The following APBA1 variants were observed in gnomAD, a reference collection of about 807,000 sequenced individuals.
APBA1 encodes the protein amyloid beta precursor protein binding family A member 1.
A neutral mutation model predicts 86.6 loss-of-function variants in APBA1; 55 were observed. The ratio of observed to expected loss-of-function variants is 0.64; its 90% CI spans 0.51 to 0.80. The LOEUF is 0.80. Ranked by LOEUF, APBA1 falls within the 30% of genes least tolerant of loss-of-function variation. The pLI, the probability that APBA1 is intolerant of heterozygous loss-of-function variation, is 0.00. For missense variants in APBA1, 1,090 were observed against 1,183.0 expected (o/e 0.92, Z 1.15); for synonymous variants, 511 against 493.9 (o/e 1.03, Z -0.46).
At chr9:69,626,421 G>A (rs867417069) in intron 1 of APBA1, among the ~76,000 whole-genome samples, 52 of 152,002 alleles carry the variant, frequency 3.4e-4, no homozygotes, top group Admixed American at 2.6e-4. Context: ...AAGCCAACGG[G>A]GGAATCCATT....
intron 1 of APBA1, among the ~76,000 whole-genome samples, chr9:69,635,212 A>T (rs7852317): frequency 0.087 from 13,214 of 152,190 alleles, 705 homozygotes; most frequent in African/African-American, 0.14. Context: ...AAAGTTTAAA[A>T]TCAGGGGATG....
chr9:69,613,472 T>C (rs1033276941), intron 1 of APBA1, among the ~76,000 whole-genome samples: 4 of 152,198 alleles, frequency 2.6e-5, no homozygotes, highest in African/African-American at 9.6e-5. Context: ...TCTCGGAAGT[T>C]CCACTTTTGC....
Position 69,669,752 on chromosome 9 carries a change from C to T in APBA1, c.-70+2401G>A, listed in dbSNP as rs546823972. ...TCACACTACTGCACTCCAGCCTGGG[C>T]GACAGAGGAAGATCCTGTCTCAAAA... is the stretch of plus-strand genomic sequence containing the variant. On this transcript the variant is annotated intron_variant, in intron 1 of 12. Transcript: ENST00000265381. 9.5e-4 allele frequency among the ~76,000 whole-genome samples: 145 copies of T among 152,010 alleles called. 1 individual carries two copies. Among genetic ancestry groups the T allele is most frequent in the African/African-American group, 3.1e-3 (130 of 41,444 alleles).
At chr9:69,534,884 C>A (rs920968470) in intron 1 of APBA1, among the ~76,000 whole-genome samples, 9 of 152,030 alleles carry the variant, frequency 5.9e-5, no homozygotes, top group Non-Finnish European at 1.3e-4. Flanking sequence ...TTAATTTCTC[C>A]TTTTCTCTCC....
chr9:69,477,269 G>C (rs12337530), intron 2 of APBA1, among the ~76,000 whole-genome samples: 1 of 151,266 alleles, frequency 6.6e-6, no homozygotes, highest in Non-Finnish European at 1.5e-5. Flanking sequence ...TGCGCGCACC[G>C]TGCGCCAGCC....
At chr9:69,609,236 G>A (rs929368823) in intron 1 of APBA1, among the ~76,000 whole-genome samples, 1 of 152,138 alleles carries the variant, frequency 6.6e-6, no homozygotes, top group Admixed American at 6.5e-5. Flanking sequence ...TTATGTTTAA[G>A]AACCTGACAA....
At chr9:69,537,927 T>G (rs548181438) in intron 1 of APBA1, among the ~76,000 whole-genome samples, 2 of 152,218 alleles carry the variant, frequency 1.3e-5, no homozygotes, top group South Asian at 4.2e-4. Flanking sequence ...ATAGAGAAAC[T>G]TAAAAGTTTT....
chr9:69,439,786 C>T (rs890520364), intron 11 of APBA1, among the ~76,000 whole-genome samples: 1 of 152,216 alleles, frequency 6.6e-6, no homozygotes, highest in African/African-American at 2.4e-5. Flanking sequence ...CTCAACTCGT[C>T]AAAGTCATTC....
chr9:69,657,728 T>C (rs1823639872), intron 1 of APBA1, among the ~76,000 whole-genome samples: 1 of 152,236 alleles, frequency 6.6e-6, no homozygotes, highest in Non-Finnish European at 1.5e-5. Context: ...TATTTAAACA[T>C]TTTACTACTT....
intron 1 of APBA1, among the ~76,000 whole-genome samples, chr9:69,667,085 A>C (rs957192070): frequency 2.6e-5 from 4 of 152,152 alleles, no homozygotes; most frequent in African/African-American, 9.7e-5. Flanking sequence ...TTAAAAAAAC[A>C]CTTACATTTT....
intron 1 of APBA1, among the ~76,000 whole-genome samples, chr9:69,580,288 G>A (rs1317257582): frequency 6.6e-6 from 1 of 152,166 alleles, no homozygotes; most frequent in Non-Finnish European, 1.5e-5. Context: ...TCTGCCAAGG[G>A]CACAGAGGAT....
chr9:69,498,608 T>C (rs1215684634), intron 2 of APBA1, among the ~76,000 whole-genome samples: 1 of 152,136 alleles, frequency 6.6e-6, no homozygotes, highest in Admixed American at 6.5e-5. Context: ...AGAGCCTGTC[T>C]GTGTCAGTCA....
chr9:69,561,559 T>C (rs1158199242), intron 1 of APBA1, among the ~76,000 whole-genome samples: 1 of 151,552 alleles, frequency 6.6e-6, no homozygotes, highest in African/African-American at 2.4e-5. Flanking sequence ...AGTTCAGAAG[T>C]ACACTGGAGT....
intron 1 of APBA1, among the ~76,000 whole-genome samples, chr9:69,599,403 CAA>C (rs1822303175): frequency 6.6e-6 from 1 of 152,168 alleles, no homozygotes; most frequent in African/African-American, 2.4e-5. Flanking sequence ...TCTGGGTCCT[CAA>C]TGGGACTGAG....
chr9:69,597,038 A>G (rs750931520), intron 1 of APBA1, among the ~76,000 whole-genome samples: 10 of 152,236 alleles, frequency 6.6e-5, no homozygotes, highest in Non-Finnish European at 1.2e-4. Flanking sequence ...TGTTTGGCAC[A>G]TTCTGCTTGA....
chr9:69,444,819 G>C (rs1450416073), intron 10 of APBA1, among the ~76,000 whole-genome samples: 2 of 152,170 alleles, frequency 1.3e-5, no homozygotes, highest in South Asian at 2.1e-4. Context: ...CAAGAAATGT[G>C]TTAGGCACTG....
At chr9:69,653,204 G>C (rs1015508124) in intron 1 of APBA1, among the ~76,000 whole-genome samples, 1 of 151,270 alleles carries the variant, frequency 6.6e-6, no homozygotes, top group African/African-American at 2.5e-5. Flanking sequence ...ATGGCTTAAA[G>C]ACAAAAAAAA....
In APBA1 at chr9:69,428,508, G is replaced by A. The variant is rs1834528860; in HGVS notation, c.*2819C>T. 1 of 152,348 alleles carries A rather than the reference G, an allele frequency of 6.6e-6. No individual in the cohort carries two copies. Among genetic ancestry groups the A allele is most frequent in the Non-Finnish European group, 1.5e-5 (1 of 68,076 alleles). The allele number at this position is 152,348 out of a possible 1,614,324, so 9.4% of individuals were successfully genotyped here. A position where few individuals can be genotyped will look rare whatever the true frequency, so the allele number is the denominator to read the frequency against. On this transcript the variant is annotated 3_prime_UTR_variant, in exon 13 of 13. Transcript: ENST00000265381. ...CCTCTGCCTGGACCAGGAGGGGGAG[G>A]TGAACGTGGGAGTCCAACCCCAAAG...
chr9:69,627,283 A>G (rs1822952480), intron 1 of APBA1, among the ~76,000 whole-genome samples: 1 of 152,124 alleles, frequency 6.6e-6, no homozygotes, highest in Non-Finnish European at 1.5e-5. Flanking sequence ...GAGGTTCATT[A>G]TAGTTCAATG....
Sources: allele counts gnomAD v4.1 joint callset (sites outside exome capture counted in the v4.1 genomes callset), GRCh38; gene constraint gnomAD v4.1.1; transcripts MANE v1.5; gene names NCBI Gene and HGNC (gene_info 2026-07-23, HGNC 2026-07-21).